Variants in HACE1 observed in about 807,000 individuals in gnomAD.
HACE1 encodes the protein E3 ubiquitin-protein ligase HACE1.
A neutral mutation model predicts 118.4 loss-of-function variants in HACE1; 73 were observed. The observed-to-expected ratio is 0.62, with a 90% CI of 0.51 to 0.75. The LOEUF (loss-of-function observed/expected upper bound fraction) is 0.75, where lower values mean the gene tolerates loss of function less well. Among genes scored for constraint, HACE1 ranks in the 30% least tolerant of loss-of-function variants. The pLI, the probability that HACE1 is intolerant of heterozygous loss-of-function variation, is 0.00. For synonymous variants in HACE1, 368 were observed against 374.8 expected (o/e 0.98, Z 0.21); for missense variants, 749 against 1,102.2 (o/e 0.68, Z 4.54).
At chr6:104,829,370 T>G (rs1170587736) in intron 6 of HACE1, among the ~76,000 whole-genome samples, 1 of 152,126 alleles carries the variant, frequency 6.6e-6, no homozygotes, top group Non-Finnish European at 1.5e-5. Flanking sequence ...TACACTGAGA[T>G]GTGAATGTGT....
intron 5 of HACE1, 59 bp from the exon 6 acceptor site, chr6:104,833,232 G>T: frequency 1.4e-6 from 2 of 1,436,686 alleles, no homozygotes; most frequent in Non-Finnish European, 2.0e-6. Flanking sequence ...AAAAACAGCA[G>T]ATAAATAATG....
At chr6:104,829,922 A>T (rs1773693628) in intron 6 of HACE1, among the ~76,000 whole-genome samples, 1 of 152,164 alleles carries the variant, frequency 6.6e-6, no homozygotes, top group Non-Finnish European at 1.5e-5. Context: ...TACTTATACC[A>T]CCTAATTTTC....
intron 19 of HACE1, among the ~76,000 whole-genome samples, chr6:104,762,785 T>G (rs1478628024): frequency 1.3e-5 from 2 of 151,834 alleles, no homozygotes; most frequent in African/African-American, 4.8e-5. Flanking sequence ...GGTCAGGAGA[T>G]CGAGACCATC....
chr6:104,790,402 A>G (rs575397449), intron 11 of HACE1, among the ~76,000 whole-genome samples: 10 of 152,350 alleles, frequency 6.6e-5, no homozygotes, highest in Non-Finnish European at 1.3e-4. Flanking sequence ...ACATAAAAAC[A>G]TTTATATCAC....
rs1562471158 is a variant in HACE1, at chr6:104,831,982, G to GAGAATA, written c.534+1059_534+1060insTATTCT. Among the ~76,000 whole-genome samples the GAGAATA allele has an allele frequency of 4.3e-4, 23 of 53,010 alleles. No homozygotes were observed. The South Asian group carries it at 0.025, about 59-fold the overall frequency. The allele number at this position is 53,010 out of a possible 152,430, so 34.8% of individuals were successfully genotyped here. A position where few individuals can be genotyped will look rare whatever the true frequency, so the allele number is the denominator to read the frequency against. ...AGAGAAGAGAAGAGAAGAGAAGAGA[G>GAGAATA]GAAGGAAGGAAGGAAGGAAGGAAGG... is the stretch of plus-strand genomic sequence containing the variant. On this transcript the variant is annotated intron_variant, in intron 6 of 23. Transcript: ENST00000262903.
chr6:104,740,168 G>C (rs1776477115), intron 22 of HACE1, among the ~76,000 whole-genome samples: 2 of 145,194 alleles, frequency 1.4e-5, no homozygotes, highest in African/African-American at 5.5e-5. Flanking sequence ...ATTCAAAGCA[G>C]TGTGTAGAGG....
At chr6:104,757,925 T>C (rs941339802) in intron 19 of HACE1, among the ~76,000 whole-genome samples, 1 of 152,022 alleles carries the variant, frequency 6.6e-6, no homozygotes, top group African/African-American at 2.4e-5. Flanking sequence ...GCCGATTCGA[T>C]CAAGTGGAAG....
chr6:104,825,019 C>A (rs1400442078), intron 6 of HACE1: 1 of 147,878 alleles, frequency 6.8e-6, no homozygotes, highest in Admixed American at 6.8e-5. Context: ...GGAGGTGGAG[C>A]TTGCAGTGAG....
chr6:104,763,706 C>T (rs6912911), intron 19 of HACE1, among the ~76,000 whole-genome samples: 11 of 152,082 alleles, frequency 7.2e-5, no homozygotes, highest in African/African-American at 2.7e-4. Flanking sequence ...TAAACAGAAG[C>T]AACAAACAGC....
At chr6:104,803,135 A>C (rs1340944886) in intron 7 of HACE1, among the ~76,000 whole-genome samples, 6 of 152,222 alleles carry the variant, frequency 3.9e-5, no homozygotes, top group African/African-American at 1.4e-4. Flanking sequence ...AAATTGGACT[A>C]AACCAGGAAG....
chr6:104,737,577 T>C (rs552608387), intron 22 of HACE1, among the ~76,000 whole-genome samples: 1 of 152,268 alleles, frequency 6.6e-6, no homozygotes, highest in Non-Finnish European at 1.5e-5. Flanking sequence ...AGACGGCACC[T>C]AGAAAATCGG....
chr6:104,771,043 T>C (rs1780546849), intron 19 of HACE1, 150 bp downstream of exon 19: 1 of 632,230 alleles, frequency 1.6e-6, no homozygotes, highest in African/African-American at 1.8e-5. Flanking sequence ...AAATTTAACA[T>C]TTGATTGTTT....
chr6:104,731,053 G>A (rs998766992), intron 22 of HACE1: 1 of 154,530 alleles, frequency 6.5e-6, no homozygotes, highest in Non-Finnish European at 1.4e-5. Flanking sequence ...AACATATAAT[G>A]CATAACACAT....
intron 6 of HACE1, among the ~76,000 whole-genome samples, chr6:104,821,674 C>T (rs1345817133): frequency 1.3e-5 from 2 of 152,052 alleles, no homozygotes; most frequent in Admixed American, 1.3e-4. Flanking sequence ...AATTTGTACC[C>T]CAACACATAA....
chr6:104,777,119 G>A lies in HACE1; in HGVS notation c.1679-9C>T. The A allele has an allele frequency of 6.3e-7, 1 of 1,579,308 alleles. No homozygotes were observed. Among genetic ancestry groups the A allele is most frequent in the Non-Finnish European group, 8.7e-7 (1 of 1,148,622 alleles). On this transcript the variant is annotated splice_polypyrimidine_tract_variant and intron_variant, in intron 15 of 23. Coordinates refer to ENST00000262903, the MANE Select transcript of HACE1 (RefSeq NM_020771.4). ...ACTCCTAAAAATAGAATCTAAATAT[G>A]TAGCATTGGTTAATTTTACATATTA... is the stretch of plus-strand genomic sequence containing the variant.
chr6:104,737,637 G>T (rs1476368834), intron 22 of HACE1, among the ~76,000 whole-genome samples: 3 of 152,168 alleles, frequency 2.0e-5, no homozygotes, highest in Admixed American at 6.5e-5. Flanking sequence ...AAAAAACGGC[G>T]CACCACGAGA....
intron 14 of HACE1, among the ~76,000 whole-genome samples, chr6:104,778,029 G>A (rs890958500): frequency 1.3e-5 from 2 of 152,144 alleles, no homozygotes; most frequent in Non-Finnish European, 2.9e-5. Context: ...AAAGTGCTGG[G>A]ATTACAGGCA....
intron 1 of HACE1, among the ~76,000 whole-genome samples, chr6:104,854,703 C>T (rs1454861016): frequency 6.6e-6 from 1 of 151,816 alleles, no homozygotes; most frequent in East Asian, 1.9e-4. Flanking sequence ...TACAATATTA[C>T]TGTTAATTGT....
chr6:104,830,899 G>C (rs1027227503), intron 6 of HACE1, among the ~76,000 whole-genome samples: 8 of 151,450 alleles, frequency 5.3e-5, no homozygotes, highest in Non-Finnish European at 1.2e-4. Context: ...GGCATCCTGA[G>C]AGGTCACCAT....
Sources: allele counts gnomAD v4.1 joint callset (sites outside exome capture counted in the v4.1 genomes callset), GRCh38; gene constraint gnomAD v4.1.1; transcripts MANE v1.5; gene names NCBI Gene and HGNC (gene_info 2026-07-23, HGNC 2026-07-21).